The following ITPK1 variants were observed in gnomAD, a reference collection of about 807,000 sequenced individuals.
ITPK1 encodes the protein inositol 1,3,4-trisphosphate 5/6-kinase.
A neutral mutation model predicts 45.3 loss-of-function variants in ITPK1; 21 were observed. That is an observed-to-expected ratio of 0.46 (90% CI 0.33 to 0.67). ITPK1 has a LOEUF of 0.67. ITPK1 is among the 30% of genes least tolerant of loss of function. The pLI is 0.02. For synonymous variants in ITPK1, 258 were observed against 253.6 expected, an observed-to-expected ratio of 1.02 and a Z score of -0.16; for missense variants, 474 against 573.5, an observed-to-expected ratio of 0.83 and a Z score of 1.77.
chr14:93,015,599 G>A (rs1888135424), intron 4 of ITPK1, among the ~76,000 whole-genome samples: 1 of 152,224 alleles, frequency 6.6e-6, no homozygotes, highest in Non-Finnish European at 1.5e-5. Flanking sequence ...ATGGACTTGG[G>A]GCCACTGGCA....
chr14:93,050,880 A>G (rs953528830), intron 3 of ITPK1, among the ~76,000 whole-genome samples: 1 of 152,078 alleles, frequency 6.6e-6, no homozygotes, highest in African/African-American at 2.4e-5. Flanking sequence ...GTACCTGTGC[A>G]GGCGAGTCCA....
At chr14:93,027,826 C>A (rs1888818449) in intron 3 of ITPK1, among the ~76,000 whole-genome samples, 1 of 152,218 alleles carries the variant, frequency 6.6e-6, no homozygotes, top group Non-Finnish European at 1.5e-5. Flanking sequence ...GACCCAGCTG[C>A]TTTGGCTGAG....
At chr14:92,978,018 G>T (rs1170052578) in intron 5 of ITPK1, among the ~76,000 whole-genome samples, 1 of 151,988 alleles carries the variant, frequency 6.6e-6, no homozygotes, top group Admixed American at 6.5e-5. Flanking sequence ...ACTTCCCAGA[G>T]ACTTGTGGAA....
chr14:92,938,644 C>A lies in ITPK1; in HGVS notation c.*2917G>T. 1.2e-6 allele frequency: 1 copy of A among 816,748 alleles called. No homozygotes were observed. Among genetic ancestry groups the A allele is most frequent in the Non-Finnish European group, 2.1e-6 (1 of 484,658 alleles). 50.6% of individuals were successfully genotyped at this position (816,748 alleles called of 1,614,324 possible). A position where few individuals can be genotyped will look rare whatever the true frequency, so the allele number is the denominator to read the frequency against. ...GAACCTGCCAGGTTGCAGCTGGGTC[C>A]AATCCCGCCGGCCATGCTGGGTGAC... On this transcript the variant is annotated 3_prime_UTR_variant, in exon 11 of 11. Coordinates refer to ENST00000267615, the MANE Select transcript of ITPK1 (RefSeq NM_014216.6).
chr14:93,062,157 G>C (rs999684132), intron 3 of ITPK1, among the ~76,000 whole-genome samples: 4 of 152,176 alleles, frequency 2.6e-5, no homozygotes, highest in African/African-American at 9.7e-5. Context: ...TGTAATCTCA[G>C]TTACTCTGGG....
intron 3 of ITPK1, among the ~76,000 whole-genome samples, chr14:93,054,361 G>A (rs1446867492): frequency 6.6e-6 from 1 of 152,154 alleles, no homozygotes; most frequent in South Asian, 2.1e-4. Flanking sequence ...TCCAGACAAC[G>A]GGTGGTCTTA....
At chr14:93,046,594 CG>C (rs1239483624) in intron 3 of ITPK1, among the ~76,000 whole-genome samples, 269 of 74,092 alleles carry the variant, frequency 3.6e-3, no homozygotes, top group African/African-American at 0.013. Flanking sequence ...CAGCCGGGGG[CG>C]GGGGGGGGCG....
chr14:93,043,744 G>A (rs1042032686), intron 3 of ITPK1, among the ~76,000 whole-genome samples: 1 of 152,314 alleles, frequency 6.6e-6, no homozygotes, highest in Non-Finnish European at 1.5e-5. Context: ...CCAAGCGCAC[G>A]TCATGCCCAG....
At position 92,939,741 on chromosome 14, in the gene ITPK1, C is replaced by T. The variant is rs1566679889; in HGVS notation, c.*1820G>A. ...GTCACGCTGCACACCCCCACCCGTA[C>T]CTGAGGCAGACTGGGATTGAAATTT... is the stretch of plus-strand genomic sequence containing the variant. On this transcript the variant is annotated 3_prime_UTR_variant, in exon 11 of 11. Transcript: ENST00000267615. 1 of 985,556 alleles carries T rather than the reference C, an allele frequency of 1.0e-6. No homozygotes were observed. The highest frequency in any genetic ancestry group is 1.2e-6 in the Non-Finnish European group (1 of 829,970). The allele number at this position is 985,556 out of a possible 1,614,324, so 61.1% of individuals were successfully genotyped here. A position where few individuals can be genotyped will look rare whatever the true frequency, so the allele number is the denominator to read the frequency against.
Position 92,946,499 on chromosome 14 carries a change from A to C in ITPK1, c.739-6T>G. 1 of 1,612,034 alleles carries C rather than the reference A, an allele frequency of 6.2e-7. No homozygotes were observed. Among genetic ancestry groups the C allele is most frequent in the Non-Finnish European group, 8.5e-7 (1 of 1,179,780 alleles). On this transcript the variant is annotated splice_region_variant and splice_polypyrimidine_tract_variant and intron_variant, in intron 9 of 10. Transcript: ENST00000267615. Reference sequence around the variant, plus strand: ...ACGCCCTCGATCTTGTCCAGCTGCCAACATACACAAGGAAGTCAGGCCATG... The same window carrying C: ...ACGCCCTCGATCTTGTCCAGCTGCCCACATACACAAGGAAGTCAGGCCATG...
intron 2 of ITPK1, among the ~76,000 whole-genome samples, chr14:93,107,937 C>T (rs1278967475): frequency 6.6e-6 from 1 of 152,226 alleles, no homozygotes; most frequent in Non-Finnish European, 1.5e-5. Flanking sequence ...GGCCTGGCCA[C>T]TCTAATACAC....
chr14:93,003,977 T>C (rs1048477150), intron 4 of ITPK1, among the ~76,000 whole-genome samples: 9 of 152,390 alleles, frequency 5.9e-5, no homozygotes, highest in African/African-American at 1.9e-4. Context: ...TCTTAAGTTC[T>C]AGATTATTTG....
chr14:92,952,647 C>T (rs2139719105), intron 8 of ITPK1, among the ~76,000 whole-genome samples: 1 of 152,330 alleles, frequency 6.6e-6, no homozygotes, highest in African/African-American at 2.4e-5. Context: ...GTCTGAAATA[C>T]CCTCACCCCA....
chr14:93,065,499 C>T (rs975005235), intron 3 of ITPK1, among the ~76,000 whole-genome samples: 3 of 152,202 alleles, frequency 2.0e-5, no homozygotes, highest in African/African-American at 7.2e-5. Context: ...CTCTATGAGA[C>T]TGGGTCCATT....
intron 4 of ITPK1, among the ~76,000 whole-genome samples, chr14:93,015,128 G>A (rs1271517454): frequency 6.6e-6 from 1 of 152,196 alleles, no homozygotes; most frequent in Non-Finnish European, 1.5e-5. Flanking sequence ...CCACACCCCA[G>A]GACAGTTGTG....
At chr14:92,997,709 C>T (rs992527751) in intron 4 of ITPK1, among the ~76,000 whole-genome samples, 13 of 152,224 alleles carry the variant, frequency 8.5e-5, no homozygotes, top group African/African-American at 2.2e-4. Flanking sequence ...CATGTTCCCT[C>T]GCAGGGCCTG....
chr14:92,968,316 C>A (rs151145894), intron 5 of ITPK1, among the ~76,000 whole-genome samples: 2 of 151,590 alleles, frequency 1.3e-5, no homozygotes, highest in Admixed American at 1.3e-4. Flanking sequence ...GGTAACAGAG[C>A]GAGACTCTGT....
chr14:92,945,960 G>T (rs1887663935), intron 10 of ITPK1, among the ~76,000 whole-genome samples: 1 of 152,204 alleles, frequency 6.6e-6, no homozygotes, highest in Non-Finnish European at 1.5e-5. Flanking sequence ...TAGGGCCTCA[G>T]TTTCCCAACA....
chr14:93,101,790 C>T (rs1892331958), intron 2 of ITPK1, among the ~76,000 whole-genome samples: 2 of 152,216 alleles, frequency 1.3e-5, no homozygotes, highest in South Asian at 4.1e-4. Flanking sequence ...GTGGAGGTTG[C>T]AGTGACCTGA....
Sources: allele counts gnomAD v4.1 joint callset (sites outside exome capture counted in the v4.1 genomes callset), GRCh38; gene constraint gnomAD v4.1.1; transcripts MANE v1.5; gene names NCBI Gene and HGNC (gene_info 2026-07-23, HGNC 2026-07-21).